ERI3: variants seen among roughly 807,000 people sequenced by gnomAD.
ERI3 encodes ERI1 exoribonuclease 3.
ERI3 carries 18 observed loss-of-function variants against 44.4 expected under a neutral mutation model. That is an observed-to-expected ratio of 0.41 (90% CI 0.28 to 0.60). ERI3 has a LOEUF of 0.60. Ranked by LOEUF, ERI3 falls within the 20% of genes least tolerant of loss-of-function variation. The pLI is 0.36. For synonymous variants in ERI3, 183 were observed against 164.8 expected (o/e 1.11, Z -0.84); for missense variants, 294 against 435.5 (o/e 0.68, Z 2.89).
intron 6 of ERI3, among the ~76,000 whole-genome samples, chr1:44,304,681 C>T (rs962935359): frequency 6.6e-6 from 1 of 152,138 alleles, no homozygotes; most frequent in African/African-American, 2.4e-5. Flanking sequence ...TGGTCTTGAC[C>T]GCTTGACAGC....
chr1:44,248,148 A>C (rs928414424), intron 7 of ERI3, 110 bp from the exon 8 acceptor site: 2 of 650,412 alleles, frequency 3.1e-6, no homozygotes, highest in Non-Finnish European at 5.2e-6. Flanking sequence ...AATCCCTCTC[A>C]TAATGCCATC....
At chr1:44,327,075 T>G (rs913242066) in intron 3 of ERI3, among the ~76,000 whole-genome samples, 3 of 152,230 alleles carry the variant, frequency 2.0e-5, no homozygotes, top group African/African-American at 7.2e-5. Context: ...CAGATATTAG[T>G]GGCTTCTGTG....
intron 6 of ERI3, among the ~76,000 whole-genome samples, chr1:44,300,958 C>A (rs1453621145): frequency 4.6e-5 from 7 of 151,718 alleles, no homozygotes; most frequent in Admixed American, 3.9e-4. Context: ...CTGCAGGGAG[C>A]TTCACCCCAC....
rs1455678513 is a variant in ERI3, at chr1:44,252,623, C to T, written c.832-4585G>A. Among the ~76,000 whole-genome samples the T allele has an allele frequency of 2.0e-5, 3 of 152,216 alleles. No individual in the cohort carries two copies. The highest frequency in any genetic ancestry group is 6.5e-5 in the Admixed American group (1 of 15,288). On this transcript the variant is annotated intron_variant, in intron 7 of 8. Transcript: ENST00000372257. This position sits in a 1 kb window ranked among gnomAD's most constrained non-coding sequence, Gnocchi z 4.7. ...ACTGTCAGTCCCATCACAAACACGG[C>T]GCCCGGCGGCTTATGGGGGCTTAGC...
intron 6 of ERI3, among the ~76,000 whole-genome samples, chr1:44,285,586 A>G (rs1417940296): frequency 6.6e-6 from 1 of 152,248 alleles, no homozygotes; most frequent in African/African-American, 2.4e-5. Flanking sequence ...TCTTTAAATT[A>G]GAATTTATCA....
chr1:44,325,475 C>T (rs1384822617), intron 3 of ERI3, among the ~76,000 whole-genome samples: 3 of 152,232 alleles, frequency 2.0e-5, no homozygotes, highest in African/African-American at 7.2e-5. Context: ...TTCACACCCA[C>T]GATCAGTAGA....
intron 2 of ERI3, 122 bp from the exon 3 acceptor site, chr1:44,339,444 TC>T: frequency 9.3e-7 from 1 of 1,071,568 alleles, no homozygotes; most frequent in Non-Finnish European, 1.3e-6. Context: ...TTCAGGAATA[TC>T]CACGCAACAT....
In ERI3 at chr1:44,237,275, T is replaced by C. The variant is rs556704354; in HGVS notation, c.931+10664A>G. Among the ~76,000 whole-genome samples, 17 of 152,302 alleles carry C rather than the reference T, an allele frequency of 1.1e-4. 2 individuals carry two copies. The highest frequency in any genetic ancestry group is 3.1e-4 in the African/African-American group (13 of 41,564). Reference sequence around the variant, plus strand: ...ATCTCTCACCTCTGAAGCCCTGGTATTGGCCTGGGCACCCAGAAGACCTCA... The same window carrying C: ...ATCTCTCACCTCTGAAGCCCTGGTACTGGCCTGGGCACCCAGAAGACCTCA... On this transcript the variant is annotated intron_variant, in intron 8 of 8. Coordinates refer to ENST00000372257, the MANE Select transcript of ERI3 (RefSeq NM_024066.3).
At chr1:44,240,118 G>A (rs1163620663) in intron 8 of ERI3, among the ~76,000 whole-genome samples, 1 of 152,256 alleles carries the variant, frequency 6.6e-6, no homozygotes, top group Non-Finnish European at 1.5e-5. Flanking sequence ...GCTGGCTTGG[G>A]CTACACCAGC....
chr1:44,257,078 C>A (rs1165996942), intron 7 of ERI3, among the ~76,000 whole-genome samples: 1 of 152,236 alleles, frequency 6.6e-6, no homozygotes, highest in South Asian at 2.1e-4. Flanking sequence ...TTTAGCCAGC[C>A]CTTTCCTCCC....
intron 2 of ERI3, among the ~76,000 whole-genome samples, chr1:44,347,315 G>A (rs1646804715): frequency 6.6e-6 from 1 of 152,116 alleles, no homozygotes; most frequent in Admixed American, 6.5e-5. Flanking sequence ...GAGCACAAGA[G>A]CAGAATTAAA....
At position 44,249,325 on chromosome 1, in the gene ERI3, G is replaced by A. The variant is rs111952536; in HGVS notation, c.832-1287C>T. Among the ~76,000 whole-genome samples, 827 of 152,242 alleles carry A rather than the reference G, an allele frequency of 5.4e-3. 7 individuals carry two copies. The highest frequency in any genetic ancestry group is 0.019 in the African/African-American group (778 of 41,518). On this transcript the variant is annotated intron_variant, in intron 7 of 8. Coordinates refer to ENST00000372257, the MANE Select transcript of ERI3 (RefSeq NM_024066.3). ...TGCCAGCTGTGAGTAGATGAGCACCGCAGTGGTCCAGCCCTTTGCTAGTCC... is the reference window on the plus strand; with the variant it reads ...TGCCAGCTGTGAGTAGATGAGCACCACAGTGGTCCAGCCCTTTGCTAGTCC...
intron 7 of ERI3, among the ~76,000 whole-genome samples, chr1:44,268,882 C>T (rs1572154074): frequency 6.6e-6 from 1 of 152,346 alleles, no homozygotes; most frequent in East Asian, 1.9e-4. Flanking sequence ...CTTCTTCTCA[C>T]CCTGTATTCT....
At chr1:44,285,913 CAA>C (rs1044027618) in intron 6 of ERI3, among the ~76,000 whole-genome samples, 4 of 152,076 alleles carry the variant, frequency 2.6e-5, no homozygotes, top group African/African-American at 9.7e-5. Context: ...TGTGATTTAC[CAA>C]GATTGTTCTG....
intron 2 of ERI3, among the ~76,000 whole-genome samples, chr1:44,340,660 G>C (rs906444009): frequency 6.6e-6 from 1 of 152,150 alleles, no homozygotes; most frequent in Non-Finnish European, 1.5e-5. Context: ...TAGGATATAC[G>C]CTAGTGTAGG....
chr1:44,353,761 G>A (rs1646942307), intron 1 of ERI3: 1 of 985,326 alleles, frequency 1.0e-6, no homozygotes, highest in Non-Finnish European at 1.2e-6. Flanking sequence ...TCTTTGGGCA[G>A]GAATTGTTAA....
chr1:44,318,757 T>C (rs770746408), intron 4 of ERI3, among the ~76,000 whole-genome samples: 23 of 152,238 alleles, frequency 1.5e-4, no homozygotes, highest in Non-Finnish European at 2.1e-4. Context: ...ATGTAGAAGA[T>C]AGGTCTCTAA....
chr1:44,221,822 C>G lies in ERI3; in HGVS notation c.932-182G>C, dbSNP rs557553260. ...TCAGGTTGGTCTGGGTGATGCTGGG[C>G]CGGCAGGAAGCCTGGTCTCGATGCT... On this transcript the variant is annotated intron_variant, in intron 8 of 8. Transcript: ENST00000372257. This position sits in a 1 kb window ranked among gnomAD's most constrained non-coding sequence, Gnocchi z 5.9. 6.6e-6 allele frequency among the ~76,000 whole-genome samples: 1 copy of G among 152,220 alleles called. No individual in the cohort carries two copies. The highest frequency in any genetic ancestry group is 3.4e-3 in the Middle Eastern group (1 of 294).
intron 8 of ERI3, among the ~76,000 whole-genome samples, chr1:44,244,583 G>A (rs1261906427): frequency 6.6e-6 from 1 of 152,072 alleles, no homozygotes; most frequent in Admixed American, 6.5e-5. Context: ...TTTACCTGGT[G>A]TCCTACCTCT....
Sources: gnomAD v4.1 joint callset for allele counts (sites outside exome capture counted in the v4.1 genomes callset) on GRCh38, gnomAD v4.1.1 for gene constraint, Gnocchi (gnomAD v3.1) non-coding constraint, MANE v1.5 for transcripts, NCBI Gene and HGNC (gene_info 2026-07-23, HGNC 2026-07-21) for gene names.